SDK1: variants seen among roughly 807,000 people sequenced by gnomAD.
SDK1 encodes the protein sidekick cell adhesion molecule 1, also known as protein sidekick-1.
Under a neutral mutation model 245.5 loss-of-function variants are expected in SDK1, and 157 were observed. That is an observed-to-expected ratio of 0.64 (90% CI 0.56 to 0.73). The LOEUF (loss-of-function observed/expected upper bound fraction) is 0.73. Ranked by LOEUF, SDK1 falls within the 30% of genes least tolerant of loss-of-function variation. SDK1 has a pLI of 0.00. For missense variants in SDK1, 3,583 were observed against 3,002.3 expected, an observed-to-expected ratio of 1.19 and a Z score of -4.52; for synonymous variants, 1,647 against 1,278.5, an observed-to-expected ratio of 1.29 and a Z score of -6.15.
intron 4 of SDK1, among the ~76,000 whole-genome samples, chr7:3,751,490 G>T (rs959364310): frequency 2.6e-5 from 4 of 152,116 alleles, no homozygotes; most frequent in African/African-American, 9.7e-5. Context: ...ATGGGGAGCA[G>T]GGACAGCACT....
intron 4 of SDK1, 65 bp downstream of exon 4, chr7:3,642,170 A>C: frequency 1.4e-6 from 2 of 1,479,464 alleles, no homozygotes; most frequent in Non-Finnish European, 1.9e-6. Context: ...CACCATCTAC[A>C]CAGTAAGTGT....
chr7:3,970,120 A>G (rs1782373736), intron 11 of SDK1, among the ~76,000 whole-genome samples: 1 of 152,222 alleles, frequency 6.6e-6, no homozygotes, highest in Non-Finnish European at 1.5e-5. Context: ...GTCTCATCTC[A>G]ATCTGTACTA....
At chr7:4,130,711 C>T (rs527610335) in intron 27 of SDK1, among the ~76,000 whole-genome samples, 1 of 152,278 alleles carries the variant, frequency 6.6e-6, no homozygotes, top group South Asian at 2.1e-4. Flanking sequence ...TCTAAATCAT[C>T]GGTAAATATG....
At chr7:3,477,373 T>G (rs1417597694) in intron 1 of SDK1, among the ~76,000 whole-genome samples, 1 of 151,522 alleles carries the variant, frequency 6.6e-6, no homozygotes, top group South Asian at 2.1e-4. Flanking sequence ...TTTTTGTATT[T>G]TTAGTAGAGA....
intron 17 of SDK1, among the ~76,000 whole-genome samples, chr7:4,039,881 A>T (rs564892754): frequency 2.0e-5 from 3 of 152,000 alleles, no homozygotes; most frequent in African/African-American, 7.3e-5. Flanking sequence ...TTAATAAGGA[A>T]CACCTAATAC....
chr7:3,633,232 G>A (rs765997513), intron 2 of SDK1, among the ~76,000 whole-genome samples: 82 of 152,142 alleles, frequency 5.4e-4, no homozygotes, highest in Non-Finnish European at 9.0e-4. Context: ...GACATAAAAT[G>A]GATATTGACA....
chr7:3,802,474 G>C (rs13227955), intron 4 of SDK1, among the ~76,000 whole-genome samples: 14,363 of 152,018 alleles, frequency 0.094, 1,105 homozygotes, highest in African/African-American at 0.21. Context: ...GGTCAAGGCT[G>C]CAGTGAGCCA....
chr7:3,484,299 T>C (rs1028051349), intron 1 of SDK1, among the ~76,000 whole-genome samples: 1 of 152,306 alleles, frequency 6.6e-6, no homozygotes, highest in African/African-American at 2.4e-5. Flanking sequence ...ACATTTTTTT[T>C]CAACCAAACA....
intron 5 of SDK1, among the ~76,000 whole-genome samples, chr7:3,872,539 C>G (rs1408176813): frequency 2.7e-5 from 4 of 147,824 alleles, no homozygotes; most frequent in African/African-American, 9.9e-5. Flanking sequence ...TTCATGTCAT[C>G]TAAGTTGTTG....
At chr7:3,993,493 T>C (rs1406784348) in intron 14 of SDK1, among the ~76,000 whole-genome samples, 1 of 152,260 alleles carries the variant, frequency 6.6e-6, no homozygotes, top group African/African-American at 2.4e-5. Context: ...GTGTTCGTAA[T>C]TGTGATTCCC....
At chr7:3,410,134 T>G (rs987692486) in intron 1 of SDK1, among the ~76,000 whole-genome samples, 2 of 152,232 alleles carry the variant, frequency 1.3e-5, no homozygotes, top group African/African-American at 2.4e-5. Context: ...AATCACATTT[T>G]AATTCAGTAT....
At chr7:3,405,083 C>T (rs1779012525) in intron 1 of SDK1, among the ~76,000 whole-genome samples, 1 of 151,716 alleles carries the variant, frequency 6.6e-6, no homozygotes, top group South Asian at 2.1e-4. Flanking sequence ...CTTTGGAAAG[C>T]CTTGGTTTTC....
intron 4 of SDK1, among the ~76,000 whole-genome samples, chr7:3,736,762 C>T (rs1455665930): frequency 6.6e-6 from 1 of 152,154 alleles, no homozygotes; most frequent in East Asian, 1.9e-4. Context: ...CATTCATCAC[C>T]TCACATAGTT....
chr7:3,628,966 C>T (rs939303296), intron 2 of SDK1, among the ~76,000 whole-genome samples: 3 of 151,910 alleles, frequency 2.0e-5, no homozygotes, highest in African/African-American at 7.3e-5. Context: ...AAGATCAAGG[C>T]AGCTAGATTT....
intron 14 of SDK1, among the ~76,000 whole-genome samples, chr7:4,009,667 A>G (rs1369134621): frequency 1.3e-5 from 2 of 152,254 alleles, no homozygotes; most frequent in African/African-American, 2.4e-5. Flanking sequence ...GATTTGAAAT[A>G]ATTAAAAAGA....
At chr7:3,627,638 A>G (rs1030950244) in intron 2 of SDK1, among the ~76,000 whole-genome samples, 12 of 152,214 alleles carry the variant, frequency 7.9e-5, no homozygotes, top group Non-Finnish European at 1.6e-4. Context: ...GGCATTGGCA[A>G]AAGCTAGATT....
At chr7:3,466,514 T>A (rs928284862) in intron 1 of SDK1, among the ~76,000 whole-genome samples, 1 of 149,224 alleles carries the variant, frequency 6.7e-6, no homozygotes, top group Non-Finnish European at 1.5e-5. Flanking sequence ...TTGGAGACAT[T>A]AGCTTGGGCA....
chr7:3,357,856 C>T (rs866486509), intron 1 of SDK1, among the ~76,000 whole-genome samples: 60 of 152,118 alleles, frequency 3.9e-4, no homozygotes, highest in African/African-American at 1.2e-3. Context: ...CGTATTTTCC[C>T]CTTTGCAGGC....
chr7:3,810,434 C>T (rs548333439), intron 4 of SDK1, among the ~76,000 whole-genome samples: 1 of 152,026 alleles, frequency 6.6e-6, no homozygotes, highest in African/African-American at 2.4e-5. Context: ...TCCTTCATGC[C>T]GTTCCTCTGC....
Sources: gnomAD v4.1 joint callset for allele counts (sites outside exome capture counted in the v4.1 genomes callset) on GRCh38, gnomAD v4.1.1 for gene constraint, MANE v1.5 for transcripts, NCBI Gene and HGNC (gene_info 2026-07-23, HGNC 2026-07-21) for gene names.